PRDM16: variants seen among roughly 807,000 people sequenced by gnomAD.
The protein encoded by PRDM16 is PR/SET domain 16.
Under a neutral mutation model 110.6 loss-of-function variants are expected in PRDM16, and 23 were observed. That is an observed-to-expected ratio of 0.21 (90% CI 0.15 to 0.29). PRDM16 has a LOEUF of 0.29. Among genes scored for constraint, PRDM16 ranks in the 10% least tolerant of loss-of-function variants. The probability of loss-of-function intolerance (pLI) is 1.00; values close to 1 mark genes in which losing one functional copy is unlikely to be tolerated. For missense variants in PRDM16, 1,615 were observed against 1,794.3 expected, an observed-to-expected ratio of 0.90 and a Z score of 1.81; for synonymous variants, 799 against 781.8, an observed-to-expected ratio of 1.02 and a Z score of -0.37.
intron 1 of PRDM16, among the ~76,000 whole-genome samples, chr1:3,161,742 T>C (rs1484100974): frequency 1.3e-5 from 2 of 152,102 alleles, no homozygotes; most frequent in African/African-American, 4.8e-5. Flanking sequence ...CAGAGGTTGG[T>C]GGAGGGATTT....
chr1:3,265,142 C>T lies in PRDM16; in HGVS notation c.438+21005C>T, dbSNP rs1457173336. Reference sequence around the variant, plus strand: ...AATCCCTGGTGCCACCTATTGAGGCCGAGGCGAGCGGGCTGTTAGGACTGG... The same window carrying T: ...AATCCCTGGTGCCACCTATTGAGGCTGAGGCGAGCGGGCTGTTAGGACTGG... On this transcript the variant is annotated intron_variant, in intron 3 of 16. Coordinates refer to ENST00000270722, the MANE Select transcript of PRDM16 (RefSeq NM_022114.4). The surrounding 1 kb of genome is among the most constrained non-coding windows in gnomAD (Gnocchi z 4.5). Among the ~76,000 whole-genome samples, 3 of 152,068 alleles carry T rather than the reference C, an allele frequency of 2.0e-5. No individual in the cohort carries two copies. The highest frequency in any genetic ancestry group is 4.2e-4 in the South Asian group (2 of 4,818).
At chr1:3,232,956 C>T (rs149095806) in intron 2 of PRDM16, among the ~76,000 whole-genome samples, 182 of 152,282 alleles carry the variant, frequency 1.2e-3, no homozygotes, top group African/African-American at 3.2e-3. Context: ...CCTTAATAAA[C>T]GAGGGATCAA....
intron 1 of PRDM16, among the ~76,000 whole-genome samples, chr1:3,182,590 C>T (rs563042547): frequency 1.8e-4 from 28 of 152,256 alleles, no homozygotes; most frequent in Non-Finnish European, 1.5e-5. Context: ...CTGAAATAGA[C>T]GCAGCCCTAA....
chr1:3,211,907 C>G (rs1329218759), intron 2 of PRDM16, among the ~76,000 whole-genome samples: 1 of 152,218 alleles, frequency 6.6e-6, no homozygotes, highest in Non-Finnish European at 1.5e-5. Flanking sequence ...CGCGGCTGCT[C>G]CATTCTGCTG....
chr1:3,242,275 C>T (rs981387924), intron 2 of PRDM16, among the ~76,000 whole-genome samples: 6 of 152,222 alleles, frequency 3.9e-5, no homozygotes, highest in African/African-American at 1.4e-4. Flanking sequence ...TCTCACTCCT[C>T]GACGTGCCTC....
chr1:3,232,245 G>A (rs1639434118), intron 2 of PRDM16, among the ~76,000 whole-genome samples: 1 of 152,222 alleles, frequency 6.6e-6, no homozygotes, highest in Non-Finnish European at 1.5e-5. Context: ...GGCCAAATAA[G>A]CGAATGGCTC....
intron 3 of PRDM16, among the ~76,000 whole-genome samples, chr1:3,272,226 C>T (rs1640471593): frequency 6.6e-6 from 1 of 152,208 alleles, no homozygotes; most frequent in South Asian, 2.1e-4. Flanking sequence ...CAGCACTCCA[C>T]GGGGACAGGC....
rs1644118308 is a variant in PRDM16 at position 3,178,717 on chromosome 1, CGAGGGCCCTGCTCCTT to C, written c.38-7401_38-7386del. Among the ~76,000 whole-genome samples the C allele has an allele frequency of 2.0e-5, 3 of 152,302 alleles. No homozygotes were observed. The South Asian group carries it at 6.2e-4, about 32-fold the overall frequency. On this transcript the variant is annotated intron_variant, in intron 1 of 16. Coordinates refer to ENST00000270722, the MANE Select transcript of PRDM16 (RefSeq NM_022114.4). ...GTCCCCACCACCCACTTCCCAAACTCGAGGGCCCTGCTCCTTGAGGGCACCCCTCCTGGAGGCTTTG... is the reference window on the plus strand; with the variant it reads ...GTCCCCACCACCCACTTCCCAAACTCGAGGGCACCCCTCCTGGAGGCTTTG...
At chr1:3,378,529 G>A (rs1436628934) in intron 3 of PRDM16, among the ~76,000 whole-genome samples, 1 of 152,144 alleles carries the variant, frequency 6.6e-6, no homozygotes, top group East Asian at 1.9e-4. Flanking sequence ...TGGGCTGGGA[G>A]CTGGCCCTGT....
intron 1 of PRDM16, among the ~76,000 whole-genome samples, chr1:3,136,779 C>G (rs1643447820): frequency 6.6e-6 from 1 of 152,210 alleles, no homozygotes; most frequent in Non-Finnish European, 1.5e-5. Flanking sequence ...CATACAAACC[C>G]TTCCTTCAGA....
At chr1:3,321,226 G>A (rs1421961133) in intron 3 of PRDM16, among the ~76,000 whole-genome samples, 1 of 148,188 alleles carries the variant, frequency 6.7e-6, no homozygotes, top group African/African-American at 2.7e-5. Flanking sequence ...GGGGGAGCAT[G>A]TGTGCACACA....
intron 3 of PRDM16, chr1:3,308,097 G>A (rs1641354362): frequency 6.6e-6 from 1 of 152,216 alleles, no homozygotes. Context: ...CTCAGCTTTG[G>A]ATCATGGTCC....
intron 3 of PRDM16, among the ~76,000 whole-genome samples, chr1:3,368,206 A>T (rs1392029152): frequency 3.3e-5 from 5 of 152,198 alleles, no homozygotes; most frequent in African/African-American, 1.2e-4. Flanking sequence ...TGACGCAGGC[A>T]CCTGACATTC....
intron 8 of PRDM16, among the ~76,000 whole-genome samples, chr1:3,406,012 C>G (rs979201987): frequency 1.9e-4 from 29 of 152,232 alleles, no homozygotes; most frequent in African/African-American, 6.8e-4. Flanking sequence ...CCACCTGTGC[C>G]GAGCTCCAGA....
chr1:3,275,866 G>C (rs934644423), intron 3 of PRDM16, among the ~76,000 whole-genome samples: 1 of 152,196 alleles, frequency 6.6e-6, no homozygotes, highest in Non-Finnish European at 1.5e-5. Flanking sequence ...GTCTCTTCTC[G>C]TGGGGCCAGC....
chr1:3,321,456 GGCA>G (rs1641743604), intron 3 of PRDM16, among the ~76,000 whole-genome samples: 1 of 151,160 alleles, frequency 6.6e-6, no homozygotes, highest in East Asian at 2.0e-4. Context: ...GTTTGTGGGG[GGCA>G]CATGTGTGAA....
chr1:3,225,563 TGTG>T (rs1639267721), intron 2 of PRDM16, among the ~76,000 whole-genome samples: 1 of 123,152 alleles, frequency 8.1e-6, no homozygotes, highest in South Asian at 2.8e-4. Flanking sequence ...TGTGTGTGTG[TGTG>T]TGTGTGTGCG....
chr1:3,148,753 G>A lies in PRDM16; in HGVS notation c.38-37372G>A, dbSNP rs1643725041. ...TGGGCACTGCCTGGGACCATGGGGG[G>A]ACCACAATATCTCTCTAAAATCCCC... On this transcript the variant is annotated intron_variant, in intron 1 of 16. Coordinates refer to ENST00000270722, the MANE Select transcript of PRDM16 (RefSeq NM_022114.4). The surrounding 1 kb of genome is among the most constrained non-coding windows in gnomAD (Gnocchi z 5.0). Among the ~76,000 whole-genome samples, 1 of 152,202 alleles carries A rather than the reference G, an allele frequency of 6.6e-6. No individual in the cohort carries two copies.
intron 2 of PRDM16, among the ~76,000 whole-genome samples, chr1:3,218,609 C>T (rs189406315): frequency 6.6e-6 from 1 of 152,360 alleles, no homozygotes; most frequent in East Asian, 1.9e-4. Flanking sequence ...AAGGGATGTT[C>T]TCTGCCTTCC....
Sources: gnomAD v4.1 joint callset for allele counts (sites outside exome capture counted in the v4.1 genomes callset) on GRCh38, gnomAD v4.1.1 for gene constraint, Gnocchi (gnomAD v3.1) non-coding constraint, MANE v1.5 for transcripts, NCBI Gene and HGNC (gene_info 2026-07-23, HGNC 2026-07-21) for gene names.